SEMA3E: variants seen among roughly 807,000 people sequenced by gnomAD.
SEMA3E encodes the protein semaphorin 3E, also known as semaphorin-3E.
In SEMA3E, 49 loss-of-function variants were observed where a neutral mutation model predicts 93.6. That is an observed-to-expected ratio of 0.52 (90% CI 0.42 to 0.66). The LOEUF is 0.66. Ranked by LOEUF, SEMA3E falls within the 30% of genes least tolerant of loss-of-function variation. The pLI is 0.00. For synonymous variants in SEMA3E, 363 were observed against 330.7 expected (o/e 1.10, Z -1.06); for missense variants, 906 against 964.8 (o/e 0.94, Z 0.81).
rs1259791585 is a variant in SEMA3E at position 83,539,277 on chromosome 7, C to T, written c.116-49003G>A. On this transcript the variant is annotated intron_variant, in intron 1 of 16. Coordinates refer to ENST00000643230, the MANE Select transcript of SEMA3E (RefSeq NM_012431.3). The stretch of plus-strand genomic sequence containing the variant: ...TAATCTCCAGATTTTTAGAAGTTAT[C>T]CCCCATCAACGGTGCTTGGTATCCC... 3.9e-5 allele frequency among the ~76,000 whole-genome samples: 6 copies of T among 152,258 alleles called. No homozygotes were observed. The South Asian group carries it at 6.2e-4, about 16-fold the overall frequency.
intron 1 of SEMA3E, among the ~76,000 whole-genome samples, chr7:83,516,965 A>ATATATATAT (rs1186465005): frequency 6.7e-6 from 1 of 149,910 alleles, no homozygotes; most frequent in Non-Finnish European, 1.5e-5. Flanking sequence ...ATATGTATAT[A>ATATATATAT]AAATATAGAA....
At position 83,385,369 on chromosome 7, in the gene SEMA3E, C is replaced by A. The variant is rs1787857409; in HGVS notation, c.1800G>T (p.Leu600=). 2 of 1,613,508 alleles carry A rather than the reference C, an allele frequency of 1.2e-6. No homozygotes were observed. Among genetic ancestry groups the A allele is most frequent in the Non-Finnish European group, 1.7e-6 (2 of 1,179,632 alleles). ...AYGIENNSTL[L]ECTPRSLQAK... is the part of the protein sequence containing the mutation. ...CTTGTAAAGATCGTGGGGTACATTC[C>A]AGCAAAGTACTGTTGTTCTCTATGC... Residue 600 remains leucine (L), a synonymous_variant, in exon 16 of 17, where the codon CTG becomes CTT. Transcript: ENST00000643230.
intron 4 of SEMA3E, among the ~76,000 whole-genome samples, chr7:83,431,404 G>A (rs578173459): frequency 4.6e-5 from 7 of 151,778 alleles, no homozygotes; most frequent in African/African-American, 9.7e-5. Flanking sequence ...AAACACTAAC[G>A]GGTAAGTTAA....
intron 14 of SEMA3E, among the ~76,000 whole-genome samples, chr7:83,390,130 T>C (rs1180381312): frequency 2.4e-4 from 15 of 63,180 alleles, no homozygotes; most frequent in African/African-American, 8.7e-4. Flanking sequence ...CGTATACGTG[T>C]GCACATATAT....
At chr7:83,596,641 C>T (rs1018511029) in intron 1 of SEMA3E, among the ~76,000 whole-genome samples, 2 of 152,010 alleles carry the variant, frequency 1.3e-5, no homozygotes, top group African/African-American at 4.8e-5. Context: ...TTTTCCAATA[C>T]CTTAGCAGAT....
intron 1 of SEMA3E, among the ~76,000 whole-genome samples, chr7:83,513,564 G>A (rs1466751858): frequency 6.6e-6 from 1 of 152,110 alleles, no homozygotes; most frequent in Non-Finnish European, 1.5e-5. Flanking sequence ...AAAATTAAAA[G>A]TCTGGGAGAC....
intron 4 of SEMA3E, among the ~76,000 whole-genome samples, chr7:83,428,061 G>A (rs1230764021): frequency 1.3e-5 from 2 of 152,190 alleles, no homozygotes; most frequent in East Asian, 3.9e-4. Context: ...ACATGTGTCT[G>A]TCAGAAAAAA....
rs1231773279 is a variant in SEMA3E at position 83,454,273 on chromosome 7, A to T, written c.456+12209T>A. The stretch of plus-strand genomic sequence containing the variant: ...ACTCCGACTCAAAAAAAAAAAAAAA[A>T]TATATATATATATATATATATATAA... On this transcript the variant is annotated intron_variant, in intron 4 of 16. Coordinates refer to ENST00000643230, the MANE Select transcript of SEMA3E (RefSeq NM_012431.3). Among the ~76,000 whole-genome samples the T allele has an allele frequency of 3.5e-3, 342 of 98,584 alleles. 3 individuals carry two copies. Among genetic ancestry groups the T allele is most frequent in the African/African-American group, 0.015 (289 of 19,750 alleles). The allele number at this position is 98,584 out of a possible 152,430, so 64.7% of individuals were successfully genotyped here. A position where few individuals can be genotyped will look rare whatever the true frequency, so the allele number is the denominator to read the frequency against.
At chr7:83,415,660 A>C (rs1430225692) in intron 5 of SEMA3E, among the ~76,000 whole-genome samples, 1 of 152,074 alleles carries the variant, frequency 6.6e-6, no homozygotes. Context: ...AACTGAATTT[A>C]AGTTAACTGA....
At chr7:83,585,488 A>G (rs914618926) in intron 1 of SEMA3E, among the ~76,000 whole-genome samples, 1 of 152,114 alleles carries the variant, frequency 6.6e-6, no homozygotes, top group Non-Finnish European at 1.5e-5. Flanking sequence ...GAATGTGGAG[A>G]TTTGTATTTA....
intron 1 of SEMA3E, among the ~76,000 whole-genome samples, chr7:83,503,009 TC>T (rs1164152706): frequency 3.7e-5 from 3 of 80,230 alleles, no homozygotes; most frequent in African/African-American, 1.5e-4. Context: ...TTTCTTTCTC[TC>T]TCTTTTTTTT....
At chr7:83,562,097 G>A (rs1015188461) in intron 1 of SEMA3E, among the ~76,000 whole-genome samples, 7 of 152,258 alleles carry the variant, frequency 4.6e-5, no homozygotes, top group East Asian at 1.9e-4. Context: ...AATTGGATAC[G>A]TATATTTGAA....
chr7:83,643,298 T>C (rs1001818469), intron 1 of SEMA3E, among the ~76,000 whole-genome samples: 6 of 152,066 alleles, frequency 3.9e-5, no homozygotes, highest in African/African-American at 1.4e-4. Flanking sequence ...TATGACATCA[T>C]AGCTGTTGAA....
At chr7:83,581,267 T>C (rs191369809) in intron 1 of SEMA3E, among the ~76,000 whole-genome samples, 1 of 152,116 alleles carries the variant, frequency 6.6e-6, no homozygotes, top group Admixed American at 6.5e-5. Flanking sequence ...ATTCCATCAG[T>C]AAAAATTACA....
intron 4 of SEMA3E, among the ~76,000 whole-genome samples, chr7:83,463,141 G>A (rs1234210390): frequency 6.9e-6 from 1 of 144,204 alleles, no homozygotes; most frequent in Non-Finnish European, 1.5e-5. Context: ...AATCGTGTCC[G>A]ACTGATCTCT....
Position 83,367,874 on chromosome 7 carries a change from A to G in SEMA3E, c.2040T>C (p.Asp680=). ...LEVVEEEKVE[D]MFNKDDEEDR... ...CCTCCTCATCGTCCTTGTTAAACATATCCTCGACTTTCTCCTCTTCCACTA... is the reference window on the plus strand; with the variant it reads ...CCTCCTCATCGTCCTTGTTAAACATGTCCTCGACTTTCTCCTCTTCCACTA... The change falls in exon 17 of 17, where the codon GAT becomes GAC. Residue 680 remains aspartate (D), a synonymous_variant. Coordinates refer to ENST00000643230, the MANE Select transcript of SEMA3E (RefSeq NM_012431.3). 6.2e-7 allele frequency: 1 copy of G among 1,611,586 alleles called. No individual in the cohort carries two copies. The highest frequency in any genetic ancestry group is 2.2e-5 in the East Asian group (1 of 44,816).
chr7:83,444,726 A>T (rs1789189864), intron 4 of SEMA3E, among the ~76,000 whole-genome samples: 1 of 148,282 alleles, frequency 6.7e-6, no homozygotes, highest in African/African-American at 2.5e-5. Flanking sequence ...GCCAGAGTGC[A>T]GTGGCTCAGT....
At chr7:83,369,892 C>T (rs1336030525) in intron 16 of SEMA3E, among the ~76,000 whole-genome samples, 2 of 152,180 alleles carry the variant, frequency 1.3e-5, no homozygotes, top group African/African-American at 4.8e-5. Flanking sequence ...CACCCCGTGC[C>T]TCACATGATA....
chr7:83,374,564 T>C (rs1051061304), intron 16 of SEMA3E, among the ~76,000 whole-genome samples: 2 of 152,104 alleles, frequency 1.3e-5, no homozygotes, highest in African/African-American at 4.8e-5. Flanking sequence ...TTAAGAGCAA[T>C]GTATGCATGC....
Sources: gnomAD v4.1 joint callset for allele counts (sites outside exome capture counted in the v4.1 genomes callset) on GRCh38, gnomAD v4.1.1 for gene constraint, MANE v1.5 for transcripts, NCBI Gene and HGNC (gene_info 2026-07-23, HGNC 2026-07-21) for gene names.